Variants in PARD3 observed in about 807,000 individuals in gnomAD.
PARD3 encodes the protein partitioning defective 3 homolog.
Under a neutral mutation model 155.4 loss-of-function variants are expected in PARD3, and 75 were observed. That is an observed-to-expected ratio of 0.48 (90% CI 0.40 to 0.58). PARD3 has a LOEUF of 0.58. Ranked by LOEUF, PARD3 falls within the 20% of genes least tolerant of loss-of-function variation. The probability of loss-of-function intolerance (pLI) is 0.00; values close to 1 mark genes in which losing one functional copy is unlikely to be tolerated. For missense variants in PARD3, 1,642 were observed against 1,721.7 expected (o/e 0.95, Z 0.82); for synonymous variants, 576 against 610.5 (o/e 0.94, Z 0.83).
chr10:34,158,854 T>G (rs1949137974), intron 22 of PARD3, among the ~76,000 whole-genome samples: 1 of 152,226 alleles, frequency 6.6e-6, no homozygotes, highest in African/African-American at 2.4e-5. Flanking sequence ...TGACTTCCAT[T>G]GTGGACAGAC....
At chr10:34,725,931 C>T (rs985225666) in intron 1 of PARD3, among the ~76,000 whole-genome samples, 1 of 152,150 alleles carries the variant, frequency 6.6e-6, no homozygotes, top group Non-Finnish European at 1.5e-5. Context: ...TTTAATCCCA[C>T]GTTCTCAGTC....
chr10:34,355,082 T>A (rs371997707), intron 14 of PARD3, among the ~76,000 whole-genome samples: 1 of 152,114 alleles, frequency 6.6e-6, no homozygotes, highest in African/African-American at 2.4e-5. Context: ...ACAGGCGTAA[T>A]TCCAGCACTT....
At chr10:34,123,890 G>C (rs761701285) in intron 23 of PARD3, among the ~76,000 whole-genome samples, 1 of 152,140 alleles carries the variant, frequency 6.6e-6, no homozygotes, top group Admixed American at 6.5e-5. Context: ...CAAAGTTTCA[G>C]TACTAATTAG....
In PARD3 at chr10:34,751,693, T is replaced by A. The variant is rs1836055574; in HGVS notation, c.121-55274A>T. On this transcript the variant is annotated intron_variant, in intron 1 of 24. Transcript: ENST00000374788. ...ATCATACCTCACTGCAGCCTCGACT[T>A]CCCAGGCTCAAGCAATCCCCCCACT... Among the ~76,000 whole-genome samples the A allele has an allele frequency of 1.3e-5, 2 of 151,744 alleles. 1 individual carries two copies. The highest frequency in any genetic ancestry group is 2.9e-5 in the Non-Finnish European group (2 of 67,994).
intron 22 of PARD3, among the ~76,000 whole-genome samples, chr10:34,169,527 G>A (rs1949688988): frequency 6.6e-6 from 1 of 152,094 alleles, no homozygotes; most frequent in Admixed American, 6.6e-5. Context: ...ACTTTGAGGT[G>A]GTCAGCTGTT....
chr10:34,767,745 C>G (rs773428968), intron 1 of PARD3, among the ~76,000 whole-genome samples: 7 of 151,770 alleles, frequency 4.6e-5, no homozygotes, highest in Non-Finnish European at 8.8e-5. Flanking sequence ...ATTACAGGCA[C>G]GCGCCACCAC....
At chr10:34,559,623 A>C (rs1458293218) in intron 2 of PARD3, among the ~76,000 whole-genome samples, 1 of 152,224 alleles carries the variant, frequency 6.6e-6, no homozygotes, top group Non-Finnish European at 1.5e-5. Context: ...ATCCCAACAC[A>C]TCAAGATTCT....
chr10:34,767,446 TCA>T (rs58553395), intron 1 of PARD3, among the ~76,000 whole-genome samples: 3,611 of 152,138 alleles, frequency 0.024, 143 homozygotes, highest in African/African-American at 0.083. Flanking sequence ...TAACTGGCCC[TCA>T]CAGAGTGCCC....
chr10:34,700,581 AAATCT>A (rs199642528), intron 1 of PARD3, among the ~76,000 whole-genome samples: 2,041 of 152,348 alleles, frequency 0.013, 52 homozygotes, highest in African/African-American at 0.046. Context: ...TCACTGAAAA[AAATCT>A]ATGTTGATAA....
chr10:34,415,593 G>T (rs760228408), intron 5 of PARD3, among the ~76,000 whole-genome samples: 1 of 152,060 alleles, frequency 6.6e-6, no homozygotes, highest in African/African-American at 2.4e-5. Context: ...AGCAAAGAAC[G>T]ATTCTTATCT....
At chr10:34,788,294 C>T (rs535014886) in intron 1 of PARD3, among the ~76,000 whole-genome samples, 3 of 152,156 alleles carry the variant, frequency 2.0e-5, no homozygotes, top group South Asian at 4.2e-4. Context: ...TTGTGTGTCA[C>T]CCAGAAAGCG....
chr10:34,535,638 G>C (rs977097926), intron 2 of PARD3, among the ~76,000 whole-genome samples: 1 of 151,858 alleles, frequency 6.6e-6, no homozygotes, highest in African/African-American at 2.4e-5. Context: ...TTACCACCTG[G>C]CTAATTTTTG....
At chr10:34,188,106 TATTG>T (rs1193258392) in intron 22 of PARD3, among the ~76,000 whole-genome samples, 3 of 152,212 alleles carry the variant, frequency 2.0e-5, no homozygotes, top group Non-Finnish European at 2.9e-5. Flanking sequence ...GCTGAGAGCA[TATTG>T]ATTAATAATT....
At chr10:34,419,097 T>G (rs1395615386) in intron 5 of PARD3, among the ~76,000 whole-genome samples, 1 of 151,720 alleles carries the variant, frequency 6.6e-6, no homozygotes, top group Non-Finnish European at 1.5e-5. Context: ...ATAAAAGACA[T>G]GTGTTCATAA....
intron 23 of PARD3, among the ~76,000 whole-genome samples, chr10:34,120,461 T>C (rs182890898): frequency 1.3e-5 from 2 of 152,186 alleles, no homozygotes; most frequent in East Asian, 3.9e-4. Flanking sequence ...TTGCTACAAC[T>C]CTCAAAAGAG....
chr10:34,191,913 A>G (rs547744718), intron 22 of PARD3, among the ~76,000 whole-genome samples: 2 of 152,342 alleles, frequency 1.3e-5, no homozygotes, highest in East Asian at 3.9e-4. Context: ...CTGTGAGGCC[A>G]GCAAATAGAG....
chr10:34,528,156 TC>T (rs1354811539), intron 2 of PARD3, among the ~76,000 whole-genome samples: 5 of 152,202 alleles, frequency 3.3e-5, no homozygotes, highest in Non-Finnish European at 7.3e-5. Context: ...GTTAAATATT[TC>T]CCCCAATCCA....
intron 2 of PARD3, among the ~76,000 whole-genome samples, chr10:34,621,178 GTTTGTTTTTTGTT>G (rs1023410206): frequency 6.6e-6 from 1 of 151,872 alleles, no homozygotes; most frequent in Non-Finnish European, 1.5e-5. Flanking sequence ...TTTTTTTGTT[GTTTGTTTTTTGTT>G]TTTGTTTTTT....
At chr10:34,743,800 G>C (rs1055106716) in intron 1 of PARD3, among the ~76,000 whole-genome samples, 5 of 152,126 alleles carry the variant, frequency 3.3e-5, no homozygotes, top group Non-Finnish European at 4.4e-5. Context: ...AAACAGGGTT[G>C]GTCTGAGAGC....
Sources: allele counts gnomAD v4.1 joint callset (sites outside exome capture counted in the v4.1 genomes callset), GRCh38; gene constraint gnomAD v4.1.1; transcripts MANE v1.5; gene names NCBI Gene and HGNC (gene_info 2026-07-23, HGNC 2026-07-21).